GNG2: variants seen among roughly 807,000 people sequenced by gnomAD.
GNG2 encodes the protein G protein subunit gamma 2.
Under a neutral mutation model 5.5 loss-of-function variants are expected in GNG2, and 5 were observed. The ratio of observed to expected loss-of-function variants is 0.91; its 90% CI spans 0.48 to 1.92. The LOEUF (loss-of-function observed/expected upper bound fraction) is 1.92. GNG2 is among the 30% of genes most tolerant of loss of function. The probability of loss-of-function intolerance (pLI) is 0.01; values close to 1 mark genes in which losing one functional copy is unlikely to be tolerated. For missense variants in GNG2, 55 were observed against 88.4 expected (o/e 0.62, Z 1.52); for synonymous variants, 28 against 32.0 (o/e 0.88, Z 0.42).
intron 2 of GNG2, chr14:51,940,500 T>TCTCCACACTGCTG (rs1205454548): frequency 1.3e-5 from 2 of 152,296 alleles, no homozygotes; most frequent in Admixed American, 6.5e-5. Flanking sequence ...TTGTTCTTCA[T>TCTCCACACTGCTG]CTCAAACCTC....
At chr14:51,925,233 T>TGAATTATTATA (rs1464711104) in intron 2 of GNG2, among the ~76,000 whole-genome samples, 4 of 152,236 alleles carry the variant, frequency 2.6e-5, no homozygotes, top group Non-Finnish European at 4.4e-5. Flanking sequence ...GTGTACCCCA[T>TGAATTATTATA]GAATTATTAT....
chr14:51,949,738 T>C (rs2140282923), intron 2 of GNG2, among the ~76,000 whole-genome samples: 1 of 152,314 alleles, frequency 6.6e-6, no homozygotes. Flanking sequence ...AAGTAAGATT[T>C]GTTCAGAATG....
intron 1 of GNG2, among the ~76,000 whole-genome samples, chr14:51,861,830 T>G (rs1052977304): frequency 6.6e-6 from 1 of 152,214 alleles, no homozygotes; most frequent in African/African-American, 2.4e-5. Flanking sequence ...TTAAGCTTTT[T>G]TAATCTTCAA....
Position 51,966,539 on chromosome 14 carries a change from G to C in GNG2, c.88-20G>C. On this transcript the variant is annotated intron_variant, in intron 3 of 3. Coordinates refer to ENST00000556766, the MANE Select transcript of GNG2 (RefSeq NM_053064.5). Reference sequence around the variant, plus strand: ...ACTGTACCAGACTCCAGTGTTGGTTGTTTTTGTCTCCCTTTCCAGGTGTCC... The same window carrying C: ...ACTGTACCAGACTCCAGTGTTGGTTCTTTTTGTCTCCCTTTCCAGGTGTCC... The C allele has an allele frequency of 6.2e-7, 1 of 1,612,452 alleles. No individual in the cohort carries two copies. Among genetic ancestry groups the C allele is most frequent in the Admixed American group, 1.7e-5 (1 of 60,024 alleles).
At chr14:51,871,057 A>G (rs115727214) in intron 1 of GNG2, among the ~76,000 whole-genome samples, 3,607 of 152,232 alleles carry the variant, frequency 0.024, 125 homozygotes, top group African/African-American at 0.075. Flanking sequence ...TATCTGATCT[A>G]TGTTAGAACC....
intron 2 of GNG2, among the ~76,000 whole-genome samples, chr14:51,895,054 A>C (rs1474326290): frequency 1.3e-5 from 2 of 151,930 alleles, no homozygotes; most frequent in African/African-American, 4.8e-5. Flanking sequence ...GAAAAAAAAA[A>C]CAATGAACTT....
intron 1 of GNG2, among the ~76,000 whole-genome samples, chr14:51,876,610 CT>C (rs916020788): frequency 5.5e-4 from 82 of 148,944 alleles, no homozygotes; most frequent in South Asian, 8.5e-4. Context: ...TAGCCCTTGG[CT>C]TTTTTTTTTC....
chr14:51,963,863 A>C (rs1260834062), intron 3 of GNG2, among the ~76,000 whole-genome samples: 1 of 152,256 alleles, frequency 6.6e-6, no homozygotes, highest in African/African-American at 2.4e-5. Flanking sequence ...CAAAATAAGG[A>C]TAAAATAAAA....
chr14:51,862,768 G>A (rs930699357), intron 1 of GNG2, among the ~76,000 whole-genome samples: 7 of 152,210 alleles, frequency 4.6e-5, no homozygotes, highest in South Asian at 2.1e-4. Flanking sequence ...TTTCTTAATC[G>A]TTAAATTCCA....
chr14:51,890,569 C>G (rs1280282897), intron 2 of GNG2, among the ~76,000 whole-genome samples: 2 of 152,194 alleles, frequency 1.3e-5, no homozygotes, highest in African/African-American at 4.8e-5. Context: ...GTTATATTCT[C>G]TCCAGTTCTG....
chr14:51,888,382 G>A (rs1294830201), intron 2 of GNG2, among the ~76,000 whole-genome samples: 4 of 152,092 alleles, frequency 2.6e-5, no homozygotes, highest in African/African-American at 9.7e-5. Flanking sequence ...ACAGTGACAT[G>A]ATCATAGCTC....
At chr14:51,883,047 C>T (rs924997872) in intron 2 of GNG2, among the ~76,000 whole-genome samples, 17 of 146,824 alleles carry the variant, frequency 1.2e-4, no homozygotes, top group Admixed American at 4.7e-4. Flanking sequence ...AAAAAAAGAA[C>T]AGTCCAGAAG....
chr14:51,944,053 G>A (rs896018181), intron 2 of GNG2, among the ~76,000 whole-genome samples: 7 of 152,166 alleles, frequency 4.6e-5, no homozygotes, highest in African/African-American at 1.7e-4. Flanking sequence ...CAAAGCCATG[G>A]TAGTCAAAAC....
intron 1 of GNG2, among the ~76,000 whole-genome samples, chr14:51,869,281 C>T (rs962361788): frequency 3.3e-5 from 5 of 152,134 alleles, no homozygotes; most frequent in African/African-American, 9.7e-5. Flanking sequence ...ACTAAAATGG[C>T]GTAAGCAATA....
At chr14:51,916,399 T>C (rs1886624523) in intron 2 of GNG2, 1 of 441,316 alleles carries the variant, frequency 2.3e-6, no homozygotes, top group South Asian at 1.6e-5. Flanking sequence ...AACGTGCACA[T>C]TGGCTTCCCA....
chr14:51,873,154 G>A (rs1459939728), intron 1 of GNG2, among the ~76,000 whole-genome samples: 3 of 152,080 alleles, frequency 2.0e-5, no homozygotes, highest in African/African-American at 4.8e-5. Context: ...AAGGAGAAAG[G>A]CATATTTGAT....
chr14:51,882,206 A>C (rs1380306092), intron 2 of GNG2, among the ~76,000 whole-genome samples: 3 of 152,214 alleles, frequency 2.0e-5, no homozygotes, highest in Non-Finnish European at 4.4e-5. Flanking sequence ...GCTGCACAAC[A>C]CCGTGAATGT....
intron 1 of GNG2, 103 bp from the exon 2 acceptor site, chr14:51,877,514 C>A: frequency 2.3e-6 from 1 of 430,710 alleles, no homozygotes; most frequent in Non-Finnish European, 4.7e-6. Context: ...CATTACCACC[C>A]ACCCCCGTTT....
intron 3 of GNG2, among the ~76,000 whole-genome samples, chr14:51,963,898 C>T (rs1299305425): frequency 6.6e-6 from 1 of 152,116 alleles, no homozygotes; most frequent in African/African-American, 2.4e-5. Context: ...ACTGTAATGT[C>T]TATTAAAAAG....
Sources: allele counts gnomAD v4.1 joint callset (sites outside exome capture counted in the v4.1 genomes callset), GRCh38; gene constraint gnomAD v4.1.1; transcripts MANE v1.5; gene names NCBI Gene and HGNC (gene_info 2026-07-23, HGNC 2026-07-21).